The following CHD8 variants were observed in gnomAD, a reference collection of about 807,000 sequenced individuals.
The protein encoded by CHD8 is chromodomain helicase DNA binding protein 8.
CHD8 carries 31 observed loss-of-function variants against 279.2 expected under a neutral mutation model. The ratio of observed to expected loss-of-function variants is 0.11; its 90% confidence interval spans 0.08 to 0.15. The LOEUF (loss-of-function observed/expected upper bound fraction) is 0.15. CHD8 is among the 10% of genes least tolerant of loss of function. CHD8 has a pLI of 1.00. For missense variants in CHD8, 2,146 were observed against 3,230.5 expected (o/e 0.66, Z 8.14); for synonymous variants, 1,081 against 1,139.6 (o/e 0.95, Z 1.04).
rs1265205771 is a variant in CHD8 at position 21,429,039 on chromosome 14, C to T, written c.1140G>A (p.Gln380=). ...TQPVTLSSVQ[Q]AQIMGPGQSP... ...TTTGTCCTGGTCCCATTATCTGAGC[C>T]TGCTGTACAGAGGACAGAGTCACTG... The change falls in exon 3 of 38, where the codon CAG becomes CAA. Residue 380 remains glutamine (Q), a synonymous_variant. Transcript: ENST00000646647. 6 of 1,613,986 alleles carry T rather than the reference C, an allele frequency of 3.7e-6. No homozygotes were observed. Among genetic ancestry groups the T allele is most frequent in the Admixed American group, 1.7e-5 (1 of 60,030 alleles).
Position 21,414,989 on chromosome 14 carries a change from G to A in CHD8, c.1973C>T (p.Pro658Leu), listed in dbSNP as rs779023632. 1.8e-5 allele frequency: 29 copies of A among 1,589,574 alleles called. No homozygotes were observed. Among genetic ancestry groups the A allele is most frequent in the East Asian group, 6.8e-5 (3 of 44,400 alleles). Residue 658 changes from proline to leucine, a missense_variant, in exon 8 of 38, where the codon CCT becomes CTT. Around this residue, in one of 26 missense-constraint regions of CHD8, gnomAD observed 24 missense variants for 56.7 expected, o/e 0.42. Transcript: ENST00000646647. ...LSMRIVKKEL[P>L]SGQYTEAEEF... is the part of the protein sequence containing the mutation. ...TTCTGCTTCAGTATATTGTCCAGAA[G>A]GGAGCTAAGAAAAAAGAAATAAATT...
rs547784834 is a variant in CHD8 at position 21,433,648 on chromosome 14, C to T, written c.-215-1790G>A. On this transcript the variant is annotated intron_variant, in intron 1 of 37. Coordinates refer to ENST00000646647, the MANE Select transcript of CHD8 (RefSeq NM_001170629.2). ...CTCCAAAACAGACAAAGAGAACAAA[C>T]ACGTGAGTCAAAATTACAAAGTATA... is the stretch of plus-strand genomic sequence containing the variant. Among the ~76,000 whole-genome samples, 15 of 152,252 alleles carry T rather than the reference C, an allele frequency of 9.9e-5. No individual in the cohort carries two copies. The South Asian group carries it at 2.5e-3, about 25-fold the overall frequency.
In CHD8 at chr14:21,393,582, A is replaced by G. The variant is rs1314695898; in HGVS notation, c.6213T>C (p.Ser2071=). The stretch of plus-strand genomic sequence containing the variant: ...GTGACAGCTTGCTCAAGTCCAGCTC[A>G]GAGTCCGAATCATCCTCATCCTCCA... ...VKLEDEDDSD[S]ELDLSKLSPS... The change falls in exon 32 of 38, where the codon TCT becomes TCC. Residue 2071 remains serine, a synonymous_variant. Coordinates refer to ENST00000646647, the MANE Select transcript of CHD8 (RefSeq NM_001170629.2). 3 of 1,613,500 alleles carry G rather than the reference A, an allele frequency of 1.9e-6. No individual in the cohort carries two copies. The highest frequency in any genetic ancestry group is 1.7e-6 in the Non-Finnish European group (2 of 1,179,724).
chr14:21,401,701 C>T, intron 20 of CHD8, 188 bp from the exon 21 acceptor site: 1 of 583,176 alleles, frequency 1.7e-6, no homozygotes, highest in East Asian at 3.0e-5. Flanking sequence ...TCTCCTGCCT[C>T]AGCCTCCCGA....
intron 37 of CHD8, among the ~76,000 whole-genome samples, chr14:21,389,618 TAA>T (rs1566408030): frequency 6.6e-6 from 1 of 151,722 alleles, no homozygotes; most frequent in African/African-American, 2.4e-5. Context: ...CTCAAAAAAA[TAA>T]AAGATTAAAA....
chr14:21,438,948 G>A (rs1378033036), intron 1 of CHD8, among the ~76,000 whole-genome samples: 5 of 152,078 alleles, frequency 3.3e-5, no homozygotes, highest in African/African-American at 9.7e-5. Context: ...CCAACATAGC[G>A]AAACCCCATC....
rs1358090442 is a variant in CHD8 at position 21,429,227 on chromosome 14, C to T, written c.952G>A (p.Gly318Ser). The change falls in exon 3 of 38, where the codon GGC (glycine) becomes AGC (serine). Residue 318 changes from glycine (G) to serine (S), a missense_variant. By Grantham distance (56) the Gly-to-Ser change is moderately conservative. This residue lies in a region of CHD8 where 170 missense variants were observed against 189.9 expected (regional missense o/e 0.90). Transcript: ENST00000646647. ...GSLPGKIVLQ[G>S]NQLAALTQAK... ...TGAGTCAGGGCTGCCAGCTGGTTGC[C>T]CTGTAACACTATCTTGCCTGGTAGA... The T allele has an allele frequency of 6.2e-7, 1 of 1,613,816 alleles. No individual in the cohort carries two copies. The highest frequency in any genetic ancestry group is 2.2e-5 in the East Asian group (1 of 44,888).
intron 2 of CHD8, 159 bp from the exon 3 acceptor site, chr14:21,429,494 C>A (rs753687954): frequency 1.1e-5 from 9 of 844,664 alleles, no homozygotes; most frequent in African/African-American, 1.6e-5. Flanking sequence ...TTGATGCAAT[C>A]TTTTTTGTTA....
intron 34 of CHD8, 60 bp downstream of exon 34, chr14:21,392,447 A>C: frequency 6.7e-7 from 1 of 1,484,872 alleles, no homozygotes; most frequent in Non-Finnish European, 9.1e-7. Flanking sequence ...TAGTAAAATT[A>C]GTTACAGCAA....
rs1407033286 is a variant in CHD8, at chr14:21,393,989, C to T, written c.5806G>A (p.Gly1936Arg). Residue 1936 changes from glycine to arginine, a missense_variant, in exon 32 of 38, where the codon GGG becomes AGG. By Grantham distance (125) the Gly-to-Arg change is moderately radical. Coordinates refer to ENST00000646647, the MANE Select transcript of CHD8 (RefSeq NM_001170629.2). The part of the protein sequence containing the change: ...PVRHDGELLR[G>R]AARHGVSQTD... ...TGGCTCACCCCATGGCGGGCTGCCC[C>T]TCTTAGAAGCTCCCCATCATGCCGA... The T allele has an allele frequency of 6.2e-7, 1 of 1,613,944 alleles. No individual in the cohort carries two copies.
chr14:21,453,877 T>G (rs1890314198), intron 1 of CHD8, among the ~76,000 whole-genome samples: 1 of 151,756 alleles, frequency 6.6e-6, no homozygotes, highest in Non-Finnish European at 1.5e-5. Context: ...GTAATTTTGC[T>G]TAGAAAAGTG....
At position 21,394,141 on chromosome 14, in the gene CHD8, C is replaced by T. The variant is rs939353846; in HGVS notation, c.5654G>A (p.Arg1885Gln). ...IEPITEERASRTLYRIELLRR... is the reference protein window; with the variant it reads ...IEPITEERASQTLYRIELLRR... ...AAGCAATTCTATACGGTAGAGAGTC[C>T]GTGAGGCTCTCTCCTCAGTGATGGG... The change falls in exon 32 of 38, where the codon CGG becomes CAG. Residue 1885 changes from arginine to glutamine, a missense_variant. Physicochemically the swap from Arg to Gln is conservative, Grantham distance 43. Coordinates refer to ENST00000646647, the MANE Select transcript of CHD8 (RefSeq NM_001170629.2). The T allele has an allele frequency of 3.1e-6, 5 of 1,610,128 alleles. No individual in the cohort carries two copies. Among genetic ancestry groups the T allele is most frequent in the Admixed American group, 1.7e-5 (1 of 59,816 alleles).
In CHD8 at chr14:21,391,075, A is replaced by T; in HGVS notation, c.7066-12T>A. On this transcript the variant is annotated splice_polypyrimidine_tract_variant and intron_variant, in intron 36 of 37. Transcript: ENST00000646647. ...CGATCCTCCATATACTGCAATAGAA[A>T]AAATCAGTTATCCTAGAGGAATAGA... is the stretch of plus-strand genomic sequence containing the variant. 1 of 1,465,112 alleles carries T rather than the reference A, an allele frequency of 6.8e-7. No homozygotes were observed. The highest frequency in any genetic ancestry group is 9.4e-7 in the Non-Finnish European group (1 of 1,063,048). 90.8% of individuals were successfully genotyped at this position (1,465,112 alleles called of 1,614,324 possible).
chr14:21,427,242 A>G, intron 4 of CHD8: 1 of 207,614 alleles, frequency 4.8e-6, no homozygotes, highest in Admixed American at 5.3e-5. Flanking sequence ...TCTGCCCTCA[A>G]ATGTCCCATC....
chr14:21,387,252 G>A (rs1000033647), intron 37 of CHD8, among the ~76,000 whole-genome samples: 17 of 152,176 alleles, frequency 1.1e-4, no homozygotes, highest in African/African-American at 3.9e-4. Flanking sequence ...TTGGGAGGCT[G>A]AGGCAGGTGG....
chr14:21,448,365 T>A (rs1391670004), intron 1 of CHD8, among the ~76,000 whole-genome samples: 7 of 152,350 alleles, frequency 4.6e-5, no homozygotes, highest in Middle Eastern at 3.4e-3. Context: ...CATAATCTTA[T>A]CTTCAAAATA....
chr14:21,402,979 G>T lies in CHD8; in HGVS notation c.3714+38C>A. The T allele has an allele frequency of 6.6e-7, 1 of 1,512,490 alleles. No individual in the cohort carries two copies. The highest frequency in any genetic ancestry group is 9.1e-7 in the Non-Finnish European group (1 of 1,100,494). 93.7% of individuals were successfully genotyped at this position (1,512,490 alleles called of 1,614,324 possible). ...CTATTCTTGTTGAAAAATCTCCCAA[G>T]TTAGGTAGTTAGTCCCTAAGACAAT... On this transcript the variant is annotated intron_variant, in intron 18 of 37. Coordinates refer to ENST00000646647, the MANE Select transcript of CHD8 (RefSeq NM_001170629.2). The surrounding 1 kb of genome is among the most constrained non-coding windows in gnomAD (Gnocchi z 4.5).
In CHD8 at chr14:21,391,571, A is replaced by T. The variant is rs1887540774; in HGVS notation, c.6957T>A (p.Asn2319Lys). 6.2e-7 allele frequency: 1 copy of T among 1,613,322 alleles called. No homozygotes were observed. Among genetic ancestry groups the T allele is most frequent in the African/African-American group, 1.3e-5 (1 of 74,956 alleles). Residue 2319 changes from asparagine to lysine, a missense_variant, in exon 36 of 38, where the codon AAT (asparagine) becomes AAA (lysine). By Grantham distance (94) the Asn-to-Lys change is moderately conservative. Around this residue, in one of 26 missense-constraint regions of CHD8, gnomAD observed 336 missense variants for 392.9 expected, o/e 0.86. Coordinates refer to ENST00000646647, the MANE Select transcript of CHD8 (RefSeq NM_001170629.2). ...VDLETRIPVI[N>K]KVDGTLLVGE... ...CCACCAGCAAAGTACCATCCACCTT[A>T]TTGATGACAGGGATCCGGGTCTCCA...
chr14:21,430,490 A>G (rs1002507548), intron 2 of CHD8: 5 of 266,748 alleles, frequency 1.9e-5, no homozygotes, highest in African/African-American at 1.1e-4. Flanking sequence ...TCACACAATT[A>G]TTGTGAACTC....
Sources: gnomAD v4.1 joint callset for allele counts (sites outside exome capture counted in the v4.1 genomes callset) on GRCh38, gnomAD v4.1.1 for gene constraint, gnomAD v4.1.1 regional missense constraint, Gnocchi (gnomAD v3.1) non-coding constraint, MANE v1.5 for transcripts, NCBI Gene and HGNC (gene_info 2026-07-23, HGNC 2026-07-21) for gene names.